FAM117B: variants seen among roughly 807,000 people sequenced by gnomAD.
FAM117B encodes protein FAM117B.
Under a neutral mutation model 52.8 loss-of-function variants are expected in FAM117B, and 22 were observed. The ratio of observed to expected loss-of-function variants is 0.42; its 90% confidence interval spans 0.30 to 0.59. The LOEUF (loss-of-function observed/expected upper bound fraction) is 0.59. FAM117B is among the 20% of genes least tolerant of loss of function. The pLI is 0.22. For missense variants in FAM117B, 678 were observed against 802.6 expected (o/e 0.84, Z 1.88); for synonymous variants, 309 against 324.1 (o/e 0.95, Z 0.50).
chr2:202,638,177 A>G (rs913061632), intron 1 of FAM117B, among the ~76,000 whole-genome samples: 10 of 152,204 alleles, frequency 6.6e-5, no homozygotes, highest in Non-Finnish European at 1.5e-4. Context: ...GCGCCCAGCC[A>G]CTAGTTAAGT....
intron 1 of FAM117B, among the ~76,000 whole-genome samples, chr2:202,659,604 C>CT (rs71030981): frequency 0.034 from 2,143 of 62,270 alleles, 668 homozygotes; most frequent in East Asian, 0.26. Flanking sequence ...AGCCACCGTG[C>CT]TTTTTTTTTT....
intron 4 of FAM117B, among the ~76,000 whole-genome samples, chr2:202,731,845 C>T (rs1691356804): frequency 6.6e-6 from 1 of 152,106 alleles, no homozygotes; most frequent in Admixed American, 6.5e-5. Context: ...AAGTGATTCT[C>T]CTGCCTCAGC....
intron 1 of FAM117B, among the ~76,000 whole-genome samples, chr2:202,642,325 A>G (rs1009886551): frequency 7.0e-5 from 10 of 143,778 alleles, no homozygotes; most frequent in African/African-American, 2.4e-4. Flanking sequence ...ACTAGTATTT[A>G]TATTCTTAGA....
chr2:202,689,113 G>A (rs4675287), intron 1 of FAM117B, among the ~76,000 whole-genome samples: 23,589 of 152,108 alleles, frequency 0.16, 2,307 homozygotes, highest in East Asian at 0.54. Flanking sequence ...ATGTCCAAGG[G>A]TAGACAGATT....
chr2:202,745,089 G>A (rs1169393173), intron 4 of FAM117B, among the ~76,000 whole-genome samples: 1 of 151,318 alleles, frequency 6.6e-6, no homozygotes, highest in East Asian at 1.9e-4. Context: ...AGACCAGCCT[G>A]GCCAACATGA....
At chr2:202,659,036 T>G (rs1454473913) in intron 1 of FAM117B, among the ~76,000 whole-genome samples, 1 of 152,084 alleles carries the variant, frequency 6.6e-6, no homozygotes, top group Non-Finnish European at 1.5e-5. Context: ...AGATGGAATA[T>G]CTCTCTGTCT....
intron 2 of FAM117B, among the ~76,000 whole-genome samples, chr2:202,720,517 C>T (rs978164064): frequency 2.5e-4 from 38 of 151,284 alleles, no homozygotes; most frequent in African/African-American, 9.0e-4. Context: ...TTCTATATAG[C>T]TACAACAGCA....
chr2:202,762,853 C>A (rs370380249), intron 7 of FAM117B, among the ~76,000 whole-genome samples: 1 of 151,762 alleles, frequency 6.6e-6, no homozygotes, highest in Non-Finnish European at 1.5e-5. Flanking sequence ...GTTTCTCGAT[C>A]TGATCAGTTA....
At chr2:202,642,734 T>C (rs1363166747) in intron 1 of FAM117B, among the ~76,000 whole-genome samples, 2 of 152,172 alleles carry the variant, frequency 1.3e-5, no homozygotes, top group African/African-American at 4.8e-5. Context: ...TCAGTAAACA[T>C]TCATTTAACA....
intron 2 of FAM117B, among the ~76,000 whole-genome samples, chr2:202,717,115 T>C (rs1691069863): frequency 6.6e-6 from 1 of 152,210 alleles, no homozygotes; most frequent in South Asian, 2.1e-4. Context: ...ATTGTAGGTC[T>C]TTGTAGTCCA....
At chr2:202,743,834 C>G (rs142147222) in intron 4 of FAM117B, among the ~76,000 whole-genome samples, 1 of 151,912 alleles carries the variant, frequency 6.6e-6, no homozygotes, top group Non-Finnish European at 1.5e-5. Context: ...ACAATCCAGT[C>G]AAAAAAGAAT....
At chr2:202,645,452 G>C (rs948656105) in intron 1 of FAM117B, among the ~76,000 whole-genome samples, 2 of 150,428 alleles carry the variant, frequency 1.3e-5, no homozygotes, top group African/African-American at 4.9e-5. Flanking sequence ...ACCTCGCCCG[G>C]CTAATTTTTT....
At chr2:202,755,745 G>T in intron 5 of FAM117B, 64 bp downstream of exon 5, 2 of 1,480,044 alleles carry the variant, frequency 1.4e-6, no homozygotes, top group South Asian at 1.4e-5. Flanking sequence ...TGCACAGTTT[G>T]GGTTTCCATA....
intron 4 of FAM117B, among the ~76,000 whole-genome samples, chr2:202,738,378 C>A (rs1243191786): frequency 2.0e-5 from 3 of 152,110 alleles, no homozygotes; most frequent in Non-Finnish European, 2.9e-5. Flanking sequence ...CACAGAAGAT[C>A]ACAAGACTTC....
chr2:202,658,431 G>A (rs1690082236), intron 1 of FAM117B, among the ~76,000 whole-genome samples: 1 of 151,978 alleles, frequency 6.6e-6, no homozygotes, highest in Non-Finnish European at 1.5e-5. Flanking sequence ...AGCCTCCCAA[G>A]TCCTGGGACT....
intron 4 of FAM117B, among the ~76,000 whole-genome samples, chr2:202,737,878 A>C (rs1691466890): frequency 6.6e-6 from 1 of 152,148 alleles, no homozygotes; most frequent in Non-Finnish European, 1.5e-5. Context: ...CTGGGATTAC[A>C]GGCATGAACC....
chr2:202,646,677 G>GT (rs1689869759), intron 1 of FAM117B, among the ~76,000 whole-genome samples: 1 of 152,048 alleles, frequency 6.6e-6, no homozygotes, highest in African/African-American at 2.4e-5. Context: ...GAGTACGAGT[G>GT]GTTTCTCTAT....
chr2:202,696,782 A>G (rs1317524178), intron 2 of FAM117B, among the ~76,000 whole-genome samples: 1 of 152,156 alleles, frequency 6.6e-6, no homozygotes, highest in Non-Finnish European at 1.5e-5. Flanking sequence ...GAAATCATTC[A>G]GGGCCAGGCG....
chr2:202,717,733 A>G (rs1691080578), intron 2 of FAM117B, among the ~76,000 whole-genome samples: 1 of 152,174 alleles, frequency 6.6e-6, no homozygotes. Flanking sequence ...ACTACTATCA[A>G]TGTGATTGCA....
Sources: gnomAD v4.1 joint callset for allele counts (sites outside exome capture counted in the v4.1 genomes callset) on GRCh38, gnomAD v4.1.1 for gene constraint, MANE v1.5 for transcripts, NCBI Gene and HGNC (gene_info 2026-07-23, HGNC 2026-07-21) for gene names.